The following NRXN1 variants were observed in gnomAD, a reference collection of about 807,000 sequenced individuals.
NRXN1 encodes neurexin 1.
Under a neutral mutation model 150.9 loss-of-function variants are expected in NRXN1, and 39 were observed. That is an observed-to-expected ratio of 0.26 (90% CI 0.20 to 0.34). The LOEUF is 0.34. Ranked by LOEUF, NRXN1 falls within the 10% of genes least tolerant of loss-of-function variation. The pLI, the probability that NRXN1 is intolerant of heterozygous loss-of-function variation, is 1.00. For synonymous variants in NRXN1, 924 were observed against 757.0 expected, an observed-to-expected ratio of 1.22 and a Z score of -3.62; for missense variants, 1,815 against 1,949.9, an observed-to-expected ratio of 0.93 and a Z score of 1.30.
chr2:49,982,120 G>A (rs2152509000), intron 21 of NRXN1, among the ~76,000 whole-genome samples: 1 of 152,138 alleles, frequency 6.6e-6, no homozygotes, highest in South Asian at 2.1e-4. Flanking sequence ...CACCAGCCTT[G>A]GACATGCCGG....
At chr2:50,559,103 A>G (rs1418176148) in intron 8 of NRXN1, among the ~76,000 whole-genome samples, 2 of 152,176 alleles carry the variant, frequency 1.3e-5, no homozygotes, top group East Asian at 3.8e-4. Context: ...AAATAAATAA[A>G]TAAATATCAA....
chr2:50,411,371 C>T lies in NRXN1; in HGVS notation c.3364+54071G>A, dbSNP rs993607558. ...GGAGTGCAGTGGCGTGATCTCGGCT[C>T]GCTACAACCTCCACCTCCCAGCCGC... On this transcript the variant is annotated intron_variant, in intron 17 of 22. Transcript: ENST00000401669. Among the ~76,000 whole-genome samples the T allele has an allele frequency of 3.5e-4, 54 of 152,142 alleles. 2 individuals carry two copies. Among genetic ancestry groups the T allele is most frequent in the South Asian group, 6.2e-4 (3 of 4,816 alleles).
intron 21 of NRXN1, chr2:50,019,261 C>T (rs1391558758): frequency 1.7e-5 from 8 of 471,388 alleles, no homozygotes; most frequent in Non-Finnish European, 3.5e-5. Context: ...GGGTTTTGGC[C>T]TGTTCTCCAT....
chr2:50,320,961 G>A (rs2075996594), intron 17 of NRXN1, among the ~76,000 whole-genome samples: 2 of 152,156 alleles, frequency 1.3e-5, no homozygotes, highest in East Asian at 1.9e-4. Flanking sequence ...TGAAAGTTGT[G>A]TAGGAAAATC....
At chr2:50,049,766 A>G (rs1004692403) in intron 21 of NRXN1, among the ~76,000 whole-genome samples, 4 of 152,084 alleles carry the variant, frequency 2.6e-5, no homozygotes, top group African/African-American at 9.7e-5. Flanking sequence ...TTGCAAGTTT[A>G]ATTAGAAGAG....
chr2:50,309,271 C>T (rs147435490), intron 17 of NRXN1, among the ~76,000 whole-genome samples: 313 of 152,238 alleles, frequency 2.1e-3, no homozygotes, highest in African/African-American at 7.2e-3. Context: ...AATACACAAA[C>T]ATCAATGTCT....
chr2:50,667,946 T>C (rs1438101483), intron 5 of NRXN1, among the ~76,000 whole-genome samples: 2 of 152,022 alleles, frequency 1.3e-5, no homozygotes, highest in African/African-American at 2.4e-5. Context: ...ACATTTGATA[T>C]TGTCTATGGC....
intron 17 of NRXN1, among the ~76,000 whole-genome samples, chr2:50,438,514 T>C (rs1003806783): frequency 3.3e-5 from 5 of 152,236 alleles, no homozygotes; most frequent in Non-Finnish European, 7.3e-5. Context: ...AGCACAGATG[T>C]CACTTTATTG....
intron 21 of NRXN1, chr2:49,945,033 T>C (rs940578184): frequency 2.6e-5 from 4 of 152,212 alleles, no homozygotes; most frequent in African/African-American, 9.6e-5. Context: ...CTTAAAAATC[T>C]TTCAAGTGCA....
chr2:50,470,094 T>C (rs533227586), intron 16 of NRXN1, among the ~76,000 whole-genome samples: 1 of 151,672 alleles, frequency 6.6e-6, no homozygotes, highest in Non-Finnish European at 1.5e-5. Context: ...CCATTTCTTG[T>C]AGGTGAGAAG....
chr2:50,984,129 G>C (rs1244967522), intron 2 of NRXN1, among the ~76,000 whole-genome samples: 1 of 137,862 alleles, frequency 7.3e-6, no homozygotes, highest in East Asian at 2.2e-4. Flanking sequence ...TGCCACGCCA[G>C]GCTAATTTTT....
At chr2:50,625,800 A>G (rs1680914588) in intron 5 of NRXN1, among the ~76,000 whole-genome samples, 1 of 152,074 alleles carries the variant, frequency 6.6e-6, no homozygotes. Flanking sequence ...TGAAGATACA[A>G]TGAGATAATG....
chr2:50,568,353 G>T (rs538404565), intron 8 of NRXN1, among the ~76,000 whole-genome samples: 4 of 152,214 alleles, frequency 2.6e-5, no homozygotes, highest in African/African-American at 9.6e-5. Flanking sequence ...AAAGTGAAGA[G>T]ACAACCCACA....
At chr2:50,764,583 G>A (rs1230786739) in intron 5 of NRXN1, among the ~76,000 whole-genome samples, 4 of 151,802 alleles carry the variant, frequency 2.6e-5, no homozygotes, top group South Asian at 2.1e-4. Context: ...TATGCTTATC[G>A]TTATACCCAT....
rs202060871 is a variant in NRXN1 at position 50,498,495 on chromosome 2, C to T, written c.2498-781G>A. Among the ~76,000 whole-genome samples, 4 of 152,244 alleles carry T rather than the reference C, an allele frequency of 2.6e-5. No individual in the cohort carries two copies. The East Asian group carries it at 5.8e-4, about 22-fold the overall frequency. On this transcript the variant is annotated intron_variant, in intron 13 of 22. Transcript: ENST00000401669. ...GCCCACCATGCCCCATACCACAAGGCAAAAATCTTCTTTAAACATCCTAGG... is the reference window on the plus strand; with the variant it reads ...GCCCACCATGCCCCATACCACAAGGTAAAAATCTTCTTTAAACATCCTAGG...
At chr2:49,944,345 A>AC (rs1330219115) in intron 21 of NRXN1, among the ~76,000 whole-genome samples, 1 of 152,194 alleles carries the variant, frequency 6.6e-6, no homozygotes, top group Non-Finnish European at 1.5e-5. Context: ...CATTTAAGAC[A>AC]CTTTCATTTT....
chr2:50,262,344 A>T (rs994382212), intron 17 of NRXN1, among the ~76,000 whole-genome samples: 2 of 151,900 alleles, frequency 1.3e-5, no homozygotes, highest in African/African-American at 4.8e-5. Context: ...CATATACCCT[A>T]CATGGCTGTT....
intron 21 of NRXN1, chr2:50,022,766 T>G (rs1458331862): frequency 1.3e-5 from 2 of 152,240 alleles, no homozygotes; most frequent in African/African-American, 4.8e-5. Context: ...CTCCATAATT[T>G]CCTTTCACTC....
At chr2:50,077,686 T>C (rs1198044637) in intron 19 of NRXN1, among the ~76,000 whole-genome samples, 5 of 152,102 alleles carry the variant, frequency 3.3e-5, no homozygotes, top group Non-Finnish European at 5.9e-5. Flanking sequence ...AACCAAAATA[T>C]TCCTTTATTC....
Sources: gnomAD v4.1 joint callset for allele counts (sites outside exome capture counted in the v4.1 genomes callset) on GRCh38, gnomAD v4.1.1 for gene constraint, MANE v1.5 for transcripts, NCBI Gene and HGNC (gene_info 2026-07-23, HGNC 2026-07-21) for gene names.